The following FAM193A variants were observed in gnomAD, a reference collection of about 807,000 sequenced individuals.
The protein encoded by FAM193A is family with sequence similarity 193 member A.
A neutral mutation model predicts 126.5 loss-of-function variants in FAM193A; 22 were observed. The ratio of observed to expected loss-of-function variants is 0.17; its 90% confidence interval spans 0.12 to 0.25. The LOEUF (loss-of-function observed/expected upper bound fraction) is 0.25, where lower values mean the gene tolerates loss of function less well. Ranked by LOEUF, FAM193A falls within the 10% of genes least tolerant of loss-of-function variation. The probability of loss-of-function intolerance (pLI) is 1.00; values close to 1 mark genes in which losing one functional copy is unlikely to be tolerated. For synonymous variants in FAM193A, 761 were observed against 646.8 expected (o/e 1.18, Z -2.68); for missense variants, 1,675 against 1,672.8 (o/e 1.00, Z -0.02).
intron 1 of FAM193A, among the ~76,000 whole-genome samples, chr4:2,582,427 G>A (rs777903817): frequency 1.3e-5 from 2 of 152,116 alleles, no homozygotes; most frequent in African/African-American, 2.4e-5. Flanking sequence ...GAGCCCCATC[G>A]TACTTGGTCA....
chr4:2,702,253 T>C (rs938337303), intron 19 of FAM193A, among the ~76,000 whole-genome samples: 2 of 152,248 alleles, frequency 1.3e-5, no homozygotes, highest in Non-Finnish European at 2.9e-5. Flanking sequence ...GTTGCTGTTT[T>C]GATTGTCTGA....
chr4:2,704,204 A>G (rs1718054176), intron 19 of FAM193A, among the ~76,000 whole-genome samples: 1 of 147,784 alleles, frequency 6.8e-6, no homozygotes, highest in East Asian at 2.0e-4. Context: ...TGGAGGTTGC[A>G]GTGAGCCGAG....
At chr4:2,713,984 C>G (rs1384189542) in intron 19 of FAM193A, among the ~76,000 whole-genome samples, 1 of 152,118 alleles carries the variant, frequency 6.6e-6, no homozygotes, top group Non-Finnish European at 1.5e-5. Flanking sequence ...TTTTCTTACA[C>G]CAAGATTTTA....
At chr4:2,684,626 G>A (rs1405616830) in intron 13 of FAM193A, among the ~76,000 whole-genome samples, 1 of 152,126 alleles carries the variant, frequency 6.6e-6, no homozygotes, top group African/African-American at 2.4e-5. Context: ...TCCCTGTGAG[G>A]GTTGGCGTCT....
rs528347436 is a variant in FAM193A, at chr4:2,603,168, A to T, written c.501+6839A>T. Among the ~76,000 whole-genome samples the T allele has an allele frequency of 1.4e-3, 194 of 137,266 alleles. 1 individual carries two copies. Among genetic ancestry groups the T allele is most frequent in the African/African-American group, 5.8e-3 (177 of 30,280 alleles). The allele number at this position is 137,266 out of a possible 152,430, so 90.1% of individuals were successfully genotyped here. ...TGTATATATATATGTATATATATATATTTTTTAGTAGAGACGGGGTTTCAC... is the reference window on the plus strand; with the variant it reads ...TGTATATATATATGTATATATATATTTTTTTTAGTAGAGACGGGGTTTCAC... On this transcript the variant is annotated intron_variant, in intron 2 of 20. Coordinates refer to ENST00000637812, the MANE Select transcript of FAM193A (RefSeq NM_001366318.2).
rs1237188070 is a variant in FAM193A, at chr4:2,700,027, G to C, written c.3855G>C (p.Glu1285Asp). Residue 1285 changes from glutamate to aspartate, a missense_variant, in exon 19 of 21, where the codon GAG becomes GAC. Physicochemically the swap from Glu to Asp is conservative, Grantham distance 45 (BLOSUM62 2). Transcript: ENST00000637812. ...HSPSRHMNHS[E>D]PRPGLGADGD... is the part of the protein sequence containing the mutation. ...CATCCAGGCATATGAACCACTCAGA[G>C]CCCAGGCCAGGGCTAGGGGCTGATG... The C allele has an allele frequency of 6.2e-7, 1 of 1,613,978 alleles. No homozygotes were observed. Among genetic ancestry groups the C allele is most frequent in the East Asian group, 2.2e-5 (1 of 44,864 alleles).
In FAM193A at chr4:2,663,152, A is replaced by G. The variant is rs754504865; in HGVS notation, c.1943A>G (p.Asp648Gly). The part of the protein sequence containing the change: ...SSTSSSSSEA[D>G]DEEADGESSG... The stretch of plus-strand genomic sequence containing the variant: ...ACCAGCAGTAGTTCCTCAGAAGCTG[A>G]TGATGAAGAAGCGGACGGCGAGAGT... The change falls in exon 12 of 21, where the codon GAT becomes GGT. Residue 648 changes from aspartate to glycine, a missense_variant. Asp to Gly is a moderately conservative substitution (Grantham distance 94). Around this residue, in one of 4 missense-constraint regions of FAM193A, gnomAD observed 1,186 missense variants for 1,109.2 expected, o/e 1.07. Coordinates refer to ENST00000637812, the MANE Select transcript of FAM193A (RefSeq NM_001366318.2). 1.3e-5 allele frequency: 21 copies of G among 1,614,112 alleles called. No homozygotes were observed. The highest frequency in any genetic ancestry group is 1.6e-4 in the Middle Eastern group (1 of 6,084).
chr4:2,681,195 C>A (rs893842848), intron 13 of FAM193A, among the ~76,000 whole-genome samples: 1 of 151,966 alleles, frequency 6.6e-6, no homozygotes, highest in Non-Finnish European at 1.5e-5. Context: ...TCCCCACTTT[C>A]ATTTCTGATT....
At chr4:2,638,092 A>G (rs1467132951) in intron 5 of FAM193A, among the ~76,000 whole-genome samples, 1 of 152,234 alleles carries the variant, frequency 6.6e-6, no homozygotes, top group Non-Finnish European at 1.5e-5. Flanking sequence ...AGAGGTTTCC[A>G]AGGGAGGCCA....
chr4:2,604,793 T>A (rs1036210985), intron 2 of FAM193A, among the ~76,000 whole-genome samples: 1 of 99,226 alleles, frequency 1.0e-5, no homozygotes, highest in East Asian at 2.3e-4. Flanking sequence ...TCTTTTTCCT[T>A]TTTTTTTTTT....
Position 2,700,516 on chromosome 4 carries a change from G to A in FAM193A, c.4344G>A (p.Lys1448=), listed in dbSNP as rs770608488. 6.2e-7 allele frequency: 1 copy of A among 1,612,458 alleles called. No individual in the cohort carries two copies. Among genetic ancestry groups the A allele is most frequent in the South Asian group, 1.1e-5 (1 of 90,780 alleles). The part of the protein sequence containing the change: ...PKGKNKKNKK[K]KGDRVNNSID... ...GCAAGAACAAGAAAAATAAGAAGAAGAAAGGAGACAGAGTCAACAATTCAA... is the reference window on the plus strand; with the variant it reads ...GCAAGAACAAGAAAAATAAGAAGAAAAAAGGAGACAGAGTCAACAATTCAA... Residue 1448 remains lysine (K), a synonymous_variant, in exon 19 of 21, where the codon AAG becomes AAA. Transcript: ENST00000637812.
intron 6 of FAM193A, among the ~76,000 whole-genome samples, chr4:2,644,517 T>C (rs1744939738): frequency 6.6e-6 from 1 of 152,198 alleles, no homozygotes; most frequent in Non-Finnish European, 1.5e-5. Context: ...GTCCATGTCT[T>C]AAGGAGTTTT....
chr4:2,566,138 T>C lies in FAM193A; in HGVS notation c.255+28968T>C, dbSNP rs184554259. 8.6e-3 allele frequency among the ~76,000 whole-genome samples: 1,302 copies of C among 151,986 alleles called. 15 individuals are homozygous for C. Among genetic ancestry groups the C allele is most frequent in the African/African-American group, 0.03 (1,245 of 41,380 alleles). On this transcript the variant is annotated intron_variant, in intron 1 of 20. Transcript: ENST00000637812. The stretch of plus-strand genomic sequence containing the variant: ...TCTTGGCTGACTGCAAGCTCTGCCT[T>C]CTGGGTTCACGCCATTCTGCTGCCT...
intron 2 of FAM193A, among the ~76,000 whole-genome samples, chr4:2,620,611 C>A (rs1382961907): frequency 1.3e-5 from 2 of 151,998 alleles, no homozygotes; most frequent in African/African-American, 4.8e-5. Context: ...CTCTGGGAGG[C>A]TGAGGCAGGC....
At chr4:2,556,088 G>T (rs1738241690) in intron 1 of FAM193A, among the ~76,000 whole-genome samples, 1 of 151,798 alleles carries the variant, frequency 6.6e-6, no homozygotes, top group South Asian at 2.1e-4. Context: ...TAGAGGTAGG[G>T]TTTCACCATG....
chr4:2,587,537 CA>C (rs1300273799), intron 1 of FAM193A, among the ~76,000 whole-genome samples: 1 of 151,824 alleles, frequency 6.6e-6, no homozygotes, highest in African/African-American at 2.4e-5. Flanking sequence ...GCTAAAAATA[CA>C]AAAATTAGTT....
chr4:2,724,824 C>G (rs1300947194), intron 20 of FAM193A, among the ~76,000 whole-genome samples: 1 of 152,150 alleles, frequency 6.6e-6, no homozygotes, highest in East Asian at 1.9e-4. Context: ...ATATCGTTAT[C>G]AAGGGTTACG....
chr4:2,618,423 A>G (rs977944769), intron 2 of FAM193A, among the ~76,000 whole-genome samples: 1 of 148,750 alleles, frequency 6.7e-6, no homozygotes, highest in African/African-American at 2.5e-5. Context: ...TTCATTTTGG[A>G]TTTATTTATT....
intron 1 of FAM193A, among the ~76,000 whole-genome samples, chr4:2,551,142 G>A (rs1236583097): frequency 1.3e-5 from 2 of 152,094 alleles, no homozygotes; most frequent in Non-Finnish European, 1.5e-5. Flanking sequence ...ATTTTATTAA[G>A]CATTATTGGT....
Sources: gnomAD v4.1 joint callset for allele counts (sites outside exome capture counted in the v4.1 genomes callset) on GRCh38, gnomAD v4.1.1 for gene constraint, gnomAD v4.1.1 regional missense constraint, MANE v1.5 for transcripts, NCBI Gene and HGNC (gene_info 2026-07-23, HGNC 2026-07-21) for gene names.